The following ZNF571 variants were observed in gnomAD, a reference collection of about 807,000 sequenced individuals.
ZNF571 encodes zinc finger protein 571.
A neutral mutation model predicts 7.7 loss-of-function variants in ZNF571; 4 were observed. The observed-to-expected ratio is 0.52, with a 90% CI of 0.25 to 1.18. ZNF571 has a LOEUF of 1.18. Among genes scored for constraint, ZNF571 ranks in the 50% most tolerant of loss-of-function variants. ZNF571 has a pLI of 0.14. For synonymous variants in ZNF571, 251 were observed against 232.4 expected, an observed-to-expected ratio of 1.08 and a Z score of -0.73; for missense variants, 704 against 726.9, an observed-to-expected ratio of 0.97 and a Z score of 0.36.
chr19:37,574,405 A>T (rs2043174267), intron 3 of ZNF571, among the ~76,000 whole-genome samples: 1 of 152,192 alleles, frequency 6.6e-6, no homozygotes, highest in Non-Finnish European at 1.5e-5. Flanking sequence ...AATGTCTTGC[A>T]ATCAGTATTA....
intron 3 of ZNF571, among the ~76,000 whole-genome samples, chr19:37,574,135 T>C (rs2043163406): frequency 1.3e-5 from 2 of 152,212 alleles, no homozygotes; most frequent in Admixed American, 6.5e-5. Context: ...TATTTAAAAC[T>C]ATACTCTTTA....
intron 3 of ZNF571, among the ~76,000 whole-genome samples, chr19:37,582,415 G>A (rs1038508011): frequency 6.6e-6 from 1 of 152,182 alleles, no homozygotes; most frequent in African/African-American, 2.4e-5. Flanking sequence ...AGGTTACTCA[G>A]GTTAGTCCTC....
At chr19:37,588,099 CAAAAAAAAAAAAAA>C (rs58516591) in intron 1 of ZNF571, among the ~76,000 whole-genome samples, 2 of 45,742 alleles carry the variant, frequency 4.4e-5, no homozygotes, top group East Asian at 5.6e-4. Flanking sequence ...GACTCCATCT[CAAAAAAAAAAAAAA>C]AAAAAAAAAA....
At chr19:37,579,351 C>T (rs969490340) in intron 3 of ZNF571, among the ~76,000 whole-genome samples, 4 of 152,310 alleles carry the variant, frequency 2.6e-5, no homozygotes, top group South Asian at 4.1e-4. Context: ...GACCATTTCC[C>T]CCAGGGCCTG....
chr19:37,572,930 A>G (rs566882373), intron 3 of ZNF571, among the ~76,000 whole-genome samples: 2,097 of 152,188 alleles, frequency 0.014, 43 homozygotes, highest in African/African-American at 0.047. Flanking sequence ...AATGACTTTC[A>G]AACTTTAAAA....
Position 37,566,167 on chromosome 19 carries a change from T to G in ZNF571, c.261A>C (p.Gly87=). 6.2e-7 allele frequency: 1 copy of G among 1,614,008 alleles called. No homozygotes were observed. Among genetic ancestry groups the G allele is most frequent in the Non-Finnish European group, 8.5e-7 (1 of 1,179,912 alleles). The change falls in exon 4 of 4, where the codon GGA becomes GGC. Residue 87 remains glycine, a synonymous_variant. Coordinates refer to ENST00000451802, the MANE Select transcript of ZNF571 (RefSeq NM_016536.5). ...INHHLQYNGL[G]DNMECKGNLE... Reference sequence around the variant, plus strand: ...AGTTGCCTTTGCACTCCATATTGTCTCCAAGACCATTGTATTGAAGGTGAT... The same window carrying G: ...AGTTGCCTTTGCACTCCATATTGTCGCCAAGACCATTGTATTGAAGGTGAT...
At position 37,581,128 on chromosome 19, in the gene ZNF571, T is replaced by C. The variant is rs2043442948; in HGVS notation, c.136+2843A>G. Among the ~76,000 whole-genome samples, 3 of 152,192 alleles carry C rather than the reference T, an allele frequency of 2.0e-5. No individual in the cohort carries two copies. The South Asian group carries it at 6.2e-4, about 32-fold the overall frequency. The stretch of plus-strand genomic sequence containing the variant: ...TGAAGCCTTAAAACGTGAGACCCCC[T>C]TGGGAAAAAGACAAGCTAAAATTTA... On this transcript the variant is annotated intron_variant, in intron 3 of 3. Coordinates refer to ENST00000451802, the MANE Select transcript of ZNF571 (RefSeq NM_016536.5).
chr19:37,591,380 G>C (rs1394208518), intron 1 of ZNF571, among the ~76,000 whole-genome samples: 3 of 152,158 alleles, frequency 2.0e-5, no homozygotes, highest in Non-Finnish European at 4.4e-5. Context: ...AAAAAGAGCA[G>C]TTTGATATAA....
At chr19:37,592,172 C>A (rs2043887069) in intron 1 of ZNF571, among the ~76,000 whole-genome samples, 2 of 152,036 alleles carry the variant, frequency 1.3e-5, no homozygotes. Context: ...GCAGAAGAAC[C>A]TTTTGAACCT....
At position 37,565,370 on chromosome 19, in the gene ZNF571, T is replaced by C; in HGVS notation, c.1058A>G (p.His353Arg). 2 of 1,613,876 alleles carry C rather than the reference T, an allele frequency of 1.2e-6. No individual in the cohort carries two copies. The highest frequency in any genetic ancestry group is 1.1e-5 in the South Asian group (1 of 91,046). ...AFLCASQLNE[H>R]QRIHTGEKPY... ...TTTCTCTCCTGTATGAATTCTCTGA[T>C]GTTCATTCAGTTGGGAGGCACATAA... The change falls in exon 4 of 4, where the codon CAT becomes CGT. Residue 353 changes from histidine (H) to arginine (R), a missense_variant. His to Arg is a conservative substitution (Grantham distance 29). Transcript: ENST00000451802.
chr19:37,571,784 A>T (rs189503979), intron 3 of ZNF571, among the ~76,000 whole-genome samples: 1 of 152,304 alleles, frequency 6.6e-6, no homozygotes, highest in African/African-American at 2.4e-5. Context: ...AAACATGATA[A>T]GTATGGGCTA....
intron 1 of ZNF571, among the ~76,000 whole-genome samples, chr19:37,587,819 A>G (rs1477760266): frequency 1.3e-5 from 2 of 152,198 alleles, no homozygotes; most frequent in Non-Finnish European, 2.9e-5. Context: ...TATCATCGTC[A>G]TTAAGAATAC....
intron 2 of ZNF571, 127 bp from the exon 3 acceptor site, chr19:37,584,224 A>T (rs1165933154): frequency 9.1e-6 from 12 of 1,319,016 alleles, no homozygotes; most frequent in Middle Eastern, 3.8e-4. Context: ...TTGCCTAAAC[A>T]GTAGTATTAA....
In ZNF571 at chr19:37,569,389, G is replaced by GCCTGCAAAAA. The variant is rs2042980462; in HGVS notation, c.137-3108_137-3099dup. Among the ~76,000 whole-genome samples the GCCTGCAAAAA allele has an allele frequency of 6.6e-6, 1 of 152,046 alleles. No homozygotes were observed. The highest frequency in any genetic ancestry group is 2.1e-4 in the South Asian group (1 of 4,828). ...GTCACCATCTTAAGATTTTTCAATA[G>GCCTGCAAAAA]CCTGCAAAAATTGGAGGGATAAAAT... On this transcript the variant is annotated intron_variant, in intron 3 of 3. Coordinates refer to ENST00000451802, the MANE Select transcript of ZNF571 (RefSeq NM_016536.5). This position sits in a 1 kb window ranked among gnomAD's most constrained non-coding sequence, Gnocchi z 4.4.
At chr19:37,570,227 T>C (rs2043005795) in intron 3 of ZNF571, among the ~76,000 whole-genome samples, 1 of 152,224 alleles carries the variant, frequency 6.6e-6, no homozygotes, top group South Asian at 2.1e-4. Flanking sequence ...AGGACTCTTA[T>C]CCCATCCATG....
intron 1 of ZNF571, among the ~76,000 whole-genome samples, chr19:37,588,353 C>T (rs1007263461): frequency 2.6e-5 from 4 of 152,092 alleles, no homozygotes; most frequent in Admixed American, 6.5e-5. Flanking sequence ...AAATACCACT[C>T]CTATCATTAA....
At chr19:37,571,723 G>C (rs1248571022) in intron 3 of ZNF571, among the ~76,000 whole-genome samples, 2 of 152,116 alleles carry the variant, frequency 1.3e-5, no homozygotes, top group Non-Finnish European at 2.9e-5. Context: ...ATATGTTGAG[G>C]AGCATCTGTA....
At position 37,566,098 on chromosome 19, in the gene ZNF571, G is replaced by T. The variant is rs1568342198; in HGVS notation, c.330C>A (p.Val110=). ...EASQEGLYMC[V]KITCEEKATE... ...TGGCCTTTTCTTCACAGGTAATTTT[G>T]ACACACATGTAAAGCCCTTCCTGAC... Residue 110 remains valine, a synonymous_variant, in exon 4 of 4, where the codon GTC becomes GTA. Transcript: ENST00000451802. 6.2e-7 allele frequency: 1 copy of T among 1,613,976 alleles called. No homozygotes were observed. Among genetic ancestry groups the T allele is most frequent in the East Asian group, 2.2e-5 (1 of 44,872 alleles).
chr19:37,565,635 GT>G lies in ZNF571; in HGVS notation c.792del (p.Gln265AsnfsTer86). 6.2e-7 allele frequency: 1 copy of G among 1,613,240 alleles called. No individual in the cohort carries two copies. Among genetic ancestry groups the G allele is most frequent in the Admixed American group, 1.7e-5 (1 of 59,896 alleles). On this transcript the variant is annotated frameshift_variant, in exon 4 of 4. Coordinates refer to ENST00000451802, the MANE Select transcript of ZNF571 (RefSeq NM_016536.5). LOFTEE classifies it low-confidence loss of function (END_TRUNC). ...TGAATTCTCTGATGAAGAGTATATT[GT>G]GAACAATAACTAAAGGCTTTTCCAC... Reference protein sequence around the residue: ...KKCGKAFSYCSQYTLHQRIHS... With the variant: ...KKCGKAFSYCXQYTLHQRIHS...
Sources: allele counts gnomAD v4.1 joint callset (sites outside exome capture counted in the v4.1 genomes callset), GRCh38; gene constraint gnomAD v4.1.1; non-coding constraint Gnocchi (gnomAD v3.1); transcripts MANE v1.5; gene names NCBI Gene and HGNC (gene_info 2026-07-23, HGNC 2026-07-21).